Variants in KLF8 observed in about 807,000 individuals in gnomAD.
KLF8 encodes KLF transcription factor 8.
KLF8 carries 10 observed loss-of-function variants against 18.2 expected under a neutral mutation model. The ratio of observed to expected loss-of-function variants is 0.55; its 90% CI spans 0.34 to 0.93. The LOEUF is 0.93. Ranked by LOEUF, KLF8 falls within the 40% of genes least tolerant of loss-of-function variation. The pLI is 0.02. For synonymous variants in KLF8, 109 were observed against 97.3 expected (o/e 1.12, Z -0.71); for missense variants, 264 against 277.9 (o/e 0.95, Z 0.36).
chrX:56,093,963 C>T, the KLF8 span, among the ~76,000 whole-genome samples: 2 of 94,949 alleles, frequency 2.1e-5, no homozygotes, highest in Admixed American at 1.2e-4. Flanking sequence ...GAGAGAGAAC[C>T]GAATGCTAAG....
At chrX:55,922,424 A>T in the KLF8 span, among the ~76,000 whole-genome samples, 1 of 112,379 alleles carries the variant, frequency 8.9e-6, no homozygotes, top group African/African-American at 3.2e-5. Flanking sequence ...AAATGCATGG[A>T]TACAGGGAGG....
the KLF8 span, among the ~76,000 whole-genome samples, chrX:56,073,494 T>C: frequency 9.0e-6 from 1 of 111,562 alleles, no homozygotes; most frequent in Non-Finnish European, 1.9e-5. Context: ...TATTCAATTA[T>C]TGTGGTTGTA....
the KLF8 span, among the ~76,000 whole-genome samples, chrX:56,107,466 C>A: frequency 6.3e-5 from 7 of 111,500 alleles, no homozygotes; most frequent in South Asian, 3.8e-4. Flanking sequence ...CCTTGCTGGT[C>A]GATCTCAGAG....
At chrX:56,268,397 C>T (rs780799293) in intron 3 of KLF8, 1 of 111,784 alleles carries the variant, frequency 8.9e-6, no homozygotes, top group East Asian at 2.8e-4. Context: ...TCCATAAAGG[C>T]TATAACTAGT....
chrX:56,064,157 GTATA>G, the KLF8 span, among the ~76,000 whole-genome samples: 3 of 104,063 alleles, frequency 2.9e-5, no homozygotes, highest in Admixed American at 3.2e-4. Context: ...GTGTGTGTGT[GTATA>G]TATATATATA....
chrX:56,094,532 C>G, the KLF8 span, among the ~76,000 whole-genome samples: 1 of 110,821 alleles, frequency 9.0e-6, no homozygotes, highest in Non-Finnish European at 1.9e-5. Context: ...TAATATCCCT[C>G]TCTCAGTAAT....
chrX:55,927,623 T>C, the KLF8 span, among the ~76,000 whole-genome samples: 1 of 112,310 alleles, frequency 8.9e-6, no homozygotes, highest in Non-Finnish European at 1.9e-5. Flanking sequence ...GATTATAAAA[T>C]GGTAATGCAT....
chrX:56,166,006 T>C, the KLF8 span, among the ~76,000 whole-genome samples: 4 of 111,705 alleles, frequency 3.6e-5, no homozygotes, highest in African/African-American at 9.7e-5. Flanking sequence ...TTGTTTTTGG[T>C]AAAATATCTA....
At chrX:55,933,593 A>G in the KLF8 span, among the ~76,000 whole-genome samples, 1 of 112,341 alleles carries the variant, frequency 8.9e-6, no homozygotes, top group East Asian at 2.8e-4. Context: ...TTTCTTTCAG[A>G]AATTTTGGAA....
chrX:56,255,535 C>A (rs2066780808), intron 2 of KLF8, among the ~76,000 whole-genome samples: 1 of 112,255 alleles, frequency 8.9e-6, no homozygotes, highest in South Asian at 3.7e-4. Context: ...CGATATGATA[C>A]TAGCTGTGGG....
the KLF8 span, among the ~76,000 whole-genome samples, chrX:56,225,971 C>T: frequency 8.9e-6 from 1 of 112,191 alleles, no homozygotes; most frequent in Non-Finnish European, 1.9e-5. Context: ...ATAAGACTGC[C>T]ACATAAAAAG....
At chrX:55,993,602 T>A in the KLF8 span, among the ~76,000 whole-genome samples, 1 of 112,243 alleles carries the variant, frequency 8.9e-6, no homozygotes, top group Non-Finnish European at 1.9e-5. Context: ...GGTATCCCAA[T>A]GATGCTGGCC....
chrX:56,183,688 C>G, the KLF8 span, among the ~76,000 whole-genome samples: 1 of 110,907 alleles, frequency 9.0e-6, no homozygotes, highest in African/African-American at 3.3e-5. Flanking sequence ...AATCATATCA[C>G]CAGAGAAAAC....
chrX:56,103,861 C>G, the KLF8 span, among the ~76,000 whole-genome samples: 1 of 110,764 alleles, frequency 9.0e-6, no homozygotes, highest in African/African-American at 3.3e-5. Context: ...TCATAGATAG[C>G]TCTTATTATT....
chrX:56,007,960 A>C, the KLF8 span, among the ~76,000 whole-genome samples: 89 of 110,764 alleles, frequency 8.0e-4, no homozygotes, highest in Non-Finnish European at 1.5e-3. Context: ...TGAAGAAAAA[A>C]AATGTGATTT....
the KLF8 span, among the ~76,000 whole-genome samples, chrX:56,100,616 A>G: frequency 9.0e-6 from 1 of 111,597 alleles, no homozygotes; most frequent in East Asian, 2.8e-4. Flanking sequence ...GCAAAATATC[A>G]ACATTAACAG....
At chrX:55,928,991 G>C in the KLF8 span, among the ~76,000 whole-genome samples, 1 of 112,241 alleles carries the variant, frequency 8.9e-6, no homozygotes, top group Non-Finnish European at 1.9e-5. Flanking sequence ...CCCACCAACA[G>C]TGTAAAAGCA....
chrX:56,261,170 ACT>A (rs1050874088), intron 2 of KLF8, among the ~76,000 whole-genome samples: 1 of 111,562 alleles, frequency 9.0e-6, no homozygotes, highest in African/African-American at 3.3e-5. Context: ...TGAATAAATA[ACT>A]CTTTTTATAT....
chrX:55,983,382 T>C, the KLF8 span, among the ~76,000 whole-genome samples: 23 of 111,517 alleles, frequency 2.1e-4, no homozygotes, highest in Admixed American at 2.2e-3. Context: ...GTTTCTAAGC[T>C]ACTCCACATG....
Sources: allele counts gnomAD v4.1 joint callset (sites outside exome capture counted in the v4.1 genomes callset), GRCh38; gene constraint gnomAD v4.1.1; transcripts MANE v1.5; gene names NCBI Gene and HGNC (gene_info 2026-07-23, HGNC 2026-07-21).